The following KCNQ5 variants were observed in gnomAD, a reference collection of about 807,000 sequenced individuals.
The protein encoded by KCNQ5 is potassium voltage-gated channel subfamily Q member 5.
KCNQ5 carries 30 observed loss-of-function variants against 98.2 expected under a neutral mutation model. The observed-to-expected ratio is 0.31, with a 90% CI of 0.23 to 0.41. KCNQ5 has a LOEUF of 0.41. KCNQ5 is among the 10% of genes least tolerant of loss of function. The pLI is 1.00. For synonymous variants in KCNQ5, 458 were observed against 449.4 expected, an observed-to-expected ratio of 1.02 and a Z score of -0.24; for missense variants, 835 against 1,182.5, an observed-to-expected ratio of 0.71 and a Z score of 4.31.
chr6:72,705,553 T>C (rs1452984878), intron 1 of KCNQ5, among the ~76,000 whole-genome samples: 1 of 150,976 alleles, frequency 6.6e-6, no homozygotes, highest in Non-Finnish European at 1.5e-5. Flanking sequence ...GAGGTTTTAC[T>C]GTCCAAATTT....
At chr6:73,053,210 G>A (rs1289090329) in intron 3 of KCNQ5, among the ~76,000 whole-genome samples, 1 of 152,132 alleles carries the variant, frequency 6.6e-6, no homozygotes, top group African/African-American at 2.4e-5. Flanking sequence ...ATCCTAAATA[G>A]ATATGCATCC....
intron 8 of KCNQ5, among the ~76,000 whole-genome samples, chr6:73,123,334 A>C (rs1775820373): frequency 6.6e-6 from 1 of 152,196 alleles, no homozygotes; most frequent in East Asian, 1.9e-4. Context: ...CAACAATATC[A>C]TCATCATCAT....
chr6:72,926,170 C>G (rs1169146934), intron 1 of KCNQ5, among the ~76,000 whole-genome samples: 2 of 152,074 alleles, frequency 1.3e-5, no homozygotes, highest in African/African-American at 4.8e-5. Flanking sequence ...GGGGTCCACC[C>G]TCATTCATCC....
chr6:72,840,689 G>T (rs1326758477), intron 1 of KCNQ5, among the ~76,000 whole-genome samples: 2 of 152,186 alleles, frequency 1.3e-5, no homozygotes, highest in Non-Finnish European at 2.9e-5. Flanking sequence ...TACTCTTCAA[G>T]ATTACAAATG....
At chr6:72,655,185 A>C (rs1288957465) in intron 1 of KCNQ5, among the ~76,000 whole-genome samples, 1 of 151,518 alleles carries the variant, frequency 6.6e-6, no homozygotes, top group Non-Finnish European at 1.5e-5. Flanking sequence ...AAAAAAAAAA[A>C]ACAGAGAAAA....
rs528764085 is a variant in KCNQ5 at position 72,966,278 on chromosome 6, G to C, written c.399-37630G>C. ...TTTTGTATTATAAAAAGAAAAGCAG[G>C]CTAGGTGTGGTGGCTCATGCCTGTA... On this transcript the variant is annotated intron_variant, in intron 1 of 13. Transcript: ENST00000370398. Among the ~76,000 whole-genome samples, 16 of 152,292 alleles carry C rather than the reference G, an allele frequency of 1.1e-4. No homozygotes were observed. The South Asian group carries it at 3.3e-3, about 32-fold the overall frequency.
intron 1 of KCNQ5, among the ~76,000 whole-genome samples, chr6:72,898,814 C>A (rs1247468994): frequency 6.6e-6 from 1 of 152,182 alleles, no homozygotes; most frequent in East Asian, 1.9e-4. Flanking sequence ...GTTCCTATTT[C>A]TCCACAGCTT....
chr6:73,069,829 T>C (rs1274272954), intron 3 of KCNQ5, among the ~76,000 whole-genome samples: 1 of 152,194 alleles, frequency 6.6e-6, no homozygotes, highest in Non-Finnish European at 1.5e-5. Flanking sequence ...AGGCCTTTTT[T>C]AAATCACAGA....
At position 73,050,296 on chromosome 6, in the gene KCNQ5, AAGGAAGGAAGGAAGGG is replaced by A. The variant is rs1344771906; in HGVS notation, c.616+8238_616+8253del. Among the ~76,000 whole-genome samples, 87 of 129,254 alleles carry A rather than the reference AAGGAAGGAAGGAAGGG, an allele frequency of 6.7e-4. 1 individual carries two copies. The highest frequency in any genetic ancestry group is 6.0e-3 in the East Asian group (24 of 3,988). 84.8% of individuals were successfully genotyped at this position (129,254 alleles called of 152,430 possible). On this transcript the variant is annotated intron_variant, in intron 3 of 13. Transcript: ENST00000370398. ...GAAGGAAGGAAGGAAGGAAGGAAGG[AAGGAAGGAAGGAAGGG>A]AGGGAAGAAGGAAGGAAGGGAGGGA...
intron 1 of KCNQ5, among the ~76,000 whole-genome samples, chr6:72,988,236 T>C (rs1190508863): frequency 1.3e-5 from 2 of 152,238 alleles, no homozygotes; most frequent in Non-Finnish European, 2.9e-5. Flanking sequence ...TGGGTGCTAT[T>C]ATTATCCGCA....
intron 2 of KCNQ5, among the ~76,000 whole-genome samples, chr6:73,013,285 T>C (rs538030723): frequency 6.6e-6 from 1 of 152,122 alleles, no homozygotes; most frequent in African/African-American, 2.4e-5. Flanking sequence ...AGTAAATACG[T>C]CTGATGACAG....
chr6:73,062,003 T>G (rs908978704), intron 3 of KCNQ5, among the ~76,000 whole-genome samples: 4 of 152,214 alleles, frequency 2.6e-5, no homozygotes, highest in African/African-American at 9.6e-5. Context: ...TGAGAGTCTG[T>G]GTATCTTAAA....
At chr6:72,817,347 G>T (rs9446761) in intron 1 of KCNQ5, among the ~76,000 whole-genome samples, 27,446 of 152,084 alleles carry the variant, frequency 0.18, 4,868 homozygotes, top group African/African-American at 0.46. Context: ...TGATTTGTTC[G>T]TTTTGAATGC....
At chr6:72,814,276 T>A (rs1354247922) in intron 1 of KCNQ5, among the ~76,000 whole-genome samples, 15 of 152,150 alleles carry the variant, frequency 9.9e-5, no homozygotes, top group Admixed American at 9.8e-4. Flanking sequence ...CGCAGTGCAA[T>A]GTAATGGCTC....
At chr6:73,080,736 G>T (rs1288380351) in intron 5 of KCNQ5, among the ~76,000 whole-genome samples, 1 of 152,040 alleles carries the variant, frequency 6.6e-6, no homozygotes, top group African/African-American at 2.4e-5. Flanking sequence ...GATGAAAAAA[G>T]GAAATCCCCT....
In KCNQ5 at chr6:72,671,885, C is replaced by T. The variant is rs1315679159; in HGVS notation, c.398+49298C>T. ...AGGCTGGAGTGCAGTGGCACGATCT[C>T]GGCTCACTGCGAGCTCCACCTCCCA... On this transcript the variant is annotated intron_variant, in intron 1 of 13. Coordinates refer to ENST00000370398, the MANE Select transcript of KCNQ5 (RefSeq NM_019842.4). 3.9e-5 allele frequency among the ~76,000 whole-genome samples: 6 copies of T among 151,922 alleles called. No homozygotes were observed. In the South Asian group the frequency reaches 6.2e-4, roughly 16 times the overall value.
chr6:72,724,152 G>A (rs1770136485), intron 1 of KCNQ5, among the ~76,000 whole-genome samples: 1 of 151,820 alleles, frequency 6.6e-6, no homozygotes, highest in Non-Finnish European at 1.5e-5. Flanking sequence ...TTATTTTTAT[G>A]TAAGACATAT....
chr6:72,717,482 T>C (rs1300654807), intron 1 of KCNQ5, among the ~76,000 whole-genome samples: 1 of 152,220 alleles, frequency 6.6e-6, no homozygotes, highest in African/African-American at 2.4e-5. Context: ...GGGTGACCAC[T>C]CTAGATTTCA....
chr6:72,727,155 C>G (rs1382957961), intron 1 of KCNQ5, among the ~76,000 whole-genome samples: 1 of 152,156 alleles, frequency 6.6e-6, no homozygotes, highest in Non-Finnish European at 1.5e-5. Flanking sequence ...CCATATACCC[C>G]ACATAGCACA....
Sources: gnomAD v4.1 joint callset for allele counts (sites outside exome capture counted in the v4.1 genomes callset) on GRCh38, gnomAD v4.1.1 for gene constraint, MANE v1.5 for transcripts, NCBI Gene and HGNC (gene_info 2026-07-23, HGNC 2026-07-21) for gene names.